MAPKAP1: variants seen among roughly 807,000 people sequenced by gnomAD.
MAPKAP1 encodes the protein target of rapamycin complex 2 subunit MAPKAP1.
MAPKAP1 carries 20 observed loss-of-function variants against 65.7 expected under a neutral mutation model. That is an observed-to-expected ratio of 0.30 (90% confidence interval 0.21 to 0.44). The LOEUF (loss-of-function observed/expected upper bound fraction) is 0.44, where lower values mean the gene tolerates loss of function less well. Ranked by LOEUF, MAPKAP1 falls within the 20% of genes least tolerant of loss-of-function variation. The pLI, the probability that MAPKAP1 is intolerant of heterozygous loss-of-function variation, is 1.00. For synonymous variants in MAPKAP1, 222 were observed against 244.3 expected, an observed-to-expected ratio of 0.91 and a Z score of 0.85; for missense variants, 423 against 648.0, an observed-to-expected ratio of 0.65 and a Z score of 3.77.
At chr9:125,480,797 C>A (rs1854280905) in intron 9 of MAPKAP1, among the ~76,000 whole-genome samples, 1 of 151,226 alleles carries the variant, frequency 6.6e-6, no homozygotes, top group Admixed American at 6.6e-5. Context: ...ATGGTGAAAC[C>A]CCGTCTCTAC....
At chr9:125,686,358 A>G (rs751280990) in intron 1 of MAPKAP1, among the ~76,000 whole-genome samples, 2 of 152,034 alleles carry the variant, frequency 1.3e-5, no homozygotes, top group Non-Finnish European at 2.9e-5. Flanking sequence ...AAGAATAAAA[A>G]AAAGAAAGAA....
In MAPKAP1 at chr9:125,672,739, G is replaced by T. The variant is rs551239959; in HGVS notation, c.-69-96C>A. The T allele has an allele frequency of 1.9e-5, 14 of 727,006 alleles. No individual in the cohort carries two copies. In the South Asian group the frequency reaches 2.2e-4, roughly 11 times the overall value. 45.0% of individuals were successfully genotyped at this position (727,006 alleles called of 1,614,324 possible). On this transcript the variant is annotated intron_variant, in intron 1 of 11. Transcript: ENST00000265960. ...ATTCAGTGTAGTAAAATGCCACCTTGAAAATCAACATTTATCCCTGTTCTG... is the reference window on the plus strand; with the variant it reads ...ATTCAGTGTAGTAAAATGCCACCTTTAAAATCAACATTTATCCCTGTTCTG...
chr9:125,694,331 A>G (rs1054460817), intron 1 of MAPKAP1, among the ~76,000 whole-genome samples: 2 of 152,024 alleles, frequency 1.3e-5, no homozygotes, highest in Non-Finnish European at 2.9e-5. Flanking sequence ...CCATTTCCAA[A>G]AAAAAAAAAG....
At chr9:125,706,452 G>A (rs1835761831) in intron 1 of MAPKAP1, among the ~76,000 whole-genome samples, 1 of 151,936 alleles carries the variant, frequency 6.6e-6, no homozygotes, top group Admixed American at 6.6e-5. Flanking sequence ...TCATAATCTT[G>A]TTTACGCTAC....
rs184480361 is a variant in MAPKAP1, at chr9:125,689,009, T to C, written c.-69-16366A>G. Among the ~76,000 whole-genome samples the C allele has an allele frequency of 1.5e-3, 228 of 152,276 alleles. 2 individuals carry two copies. Among genetic ancestry groups the C allele is most frequent in the South Asian group, 4.8e-3 (23 of 4,832 alleles). ...CTAGGTATGGGTATACAGAGACTTATCAGTTCATTCAATAAGCATGACTAC... is the reference window on the plus strand; with the variant it reads ...CTAGGTATGGGTATACAGAGACTTACCAGTTCATTCAATAAGCATGACTAC... On this transcript the variant is annotated intron_variant, in intron 1 of 11. Coordinates refer to ENST00000265960, the MANE Select transcript of MAPKAP1 (RefSeq NM_001006617.3).
At chr9:125,519,190 G>C (rs981338316) in intron 7 of MAPKAP1, among the ~76,000 whole-genome samples, 11 of 152,134 alleles carry the variant, frequency 7.2e-5, no homozygotes, top group African/African-American at 2.4e-4. Context: ...CAGTTGAGGA[G>C]CCAGGAACTA....
intron 4 of MAPKAP1, among the ~76,000 whole-genome samples, chr9:125,649,855 C>T (rs1381998164): frequency 6.6e-6 from 1 of 150,656 alleles, no homozygotes; most frequent in African/African-American, 2.4e-5. Context: ...AATTAGAACA[C>T]CTGGATTCTA....
intron 6 of MAPKAP1, among the ~76,000 whole-genome samples, chr9:125,551,486 T>C (rs1052997103): frequency 6.6e-6 from 1 of 152,150 alleles, no homozygotes; most frequent in Non-Finnish European, 1.5e-5. Flanking sequence ...CTTCCACTGT[T>C]ACCTGACAGC....
chr9:125,575,444 G>C (rs1486409793), intron 5 of MAPKAP1, among the ~76,000 whole-genome samples: 1 of 152,194 alleles, frequency 6.6e-6, no homozygotes, highest in African/African-American at 2.4e-5. Flanking sequence ...AGATGGCTGA[G>C]GTCCTATCAA....
intron 4 of MAPKAP1, among the ~76,000 whole-genome samples, chr9:125,609,882 G>C (rs569223526): frequency 3.3e-5 from 5 of 152,208 alleles, no homozygotes; most frequent in Non-Finnish European, 7.3e-5. Flanking sequence ...TGGGCTGAGT[G>C]TGCCACATAA....
At chr9:125,547,442 C>T (rs1020415301) in intron 6 of MAPKAP1, among the ~76,000 whole-genome samples, 1 of 152,108 alleles carries the variant, frequency 6.6e-6, no homozygotes, top group African/African-American at 2.4e-5. Flanking sequence ...GAACCTCAGC[C>T]GCATCCATGA....
At chr9:125,630,017 C>T (rs191990908) in intron 4 of MAPKAP1, among the ~76,000 whole-genome samples, 89 of 152,252 alleles carry the variant, frequency 5.8e-4, no homozygotes, top group African/African-American at 2.0e-3. Flanking sequence ...TGGAAGTGCA[C>T]TGAGAGGCAG....
chr9:125,564,148 G>C (rs567440833), intron 5 of MAPKAP1, among the ~76,000 whole-genome samples: 6 of 152,346 alleles, frequency 3.9e-5, no homozygotes, highest in Admixed American at 6.5e-5. Context: ...GTCAAAGATT[G>C]TAATTCAAGA....
chr9:125,528,935 C>T (rs1829854793), intron 7 of MAPKAP1, among the ~76,000 whole-genome samples: 1 of 149,540 alleles, frequency 6.7e-6, no homozygotes, highest in African/African-American at 2.5e-5. Context: ...GAGGCCAAGG[C>T]AGGTGGATCA....
At chr9:125,663,252 C>T (rs1387443841) in intron 3 of MAPKAP1, among the ~76,000 whole-genome samples, 4 of 152,164 alleles carry the variant, frequency 2.6e-5, no homozygotes, top group East Asian at 1.9e-4. Context: ...AGGCATCCTG[C>T]CTTGTTATTC....
intron 4 of MAPKAP1, among the ~76,000 whole-genome samples, chr9:125,608,726 CAG>C (rs1157744813): frequency 2.0e-5 from 3 of 152,176 alleles, no homozygotes; most frequent in Admixed American, 2.0e-4. Flanking sequence ...AACAATTGCA[CAG>C]AGACTCTGAG....
At chr9:125,518,857 A>G (rs1273853299) in intron 7 of MAPKAP1, among the ~76,000 whole-genome samples, 1 of 152,246 alleles carries the variant, frequency 6.6e-6, no homozygotes, top group Non-Finnish European at 1.5e-5. Flanking sequence ...CTGGAGGGTC[A>G]TGAACCAAAC....
intron 11 of MAPKAP1, among the ~76,000 whole-genome samples, chr9:125,442,536 T>TA (rs11450537): frequency 0.63 from 86,465 of 137,114 alleles, 26,654 homozygotes; most frequent in East Asian, 0.79. Flanking sequence ...ATGCTGGCTA[T>TA]AAAAAAAAAA....
chr9:125,611,537 T>A (rs1157822240), intron 4 of MAPKAP1, among the ~76,000 whole-genome samples: 2 of 152,148 alleles, frequency 1.3e-5, no homozygotes, highest in Non-Finnish European at 2.9e-5. Context: ...GCTGAGAATT[T>A]TCCAGAATGA....
Sources: gnomAD v4.1 joint callset for allele counts (sites outside exome capture counted in the v4.1 genomes callset) on GRCh38, gnomAD v4.1.1 for gene constraint, MANE v1.5 for transcripts, NCBI Gene and HGNC (gene_info 2026-07-23, HGNC 2026-07-21) for gene names.